MYCBP2: variants seen among roughly 807,000 people sequenced by gnomAD.
MYCBP2 encodes MYC binding protein 2.
A neutral mutation model predicts 525.3 loss-of-function variants in MYCBP2; 120 were observed. The ratio of observed to expected loss-of-function variants is 0.23; its 90% CI spans 0.20 to 0.27. MYCBP2 has a LOEUF of 0.27. Ranked by LOEUF, MYCBP2 falls within the 10% of genes least tolerant of loss-of-function variation. The pLI, the probability that MYCBP2 is intolerant of heterozygous loss-of-function variation, is 1.00. For synonymous variants in MYCBP2, 1,894 were observed against 1,955.8 expected, an observed-to-expected ratio of 0.97 and a Z score of 0.83; for missense variants, 4,149 against 5,657.1, an observed-to-expected ratio of 0.73 and a Z score of 8.55.
intron 15 of MYCBP2, among the ~76,000 whole-genome samples, chr13:77,249,587 G>T (rs2070750209): frequency 6.6e-6 from 1 of 152,072 alleles, no homozygotes; most frequent in East Asian, 1.9e-4. Flanking sequence ...TGAGTTAGGG[G>T]TGTTGCTATG....
At chr13:77,313,771 C>T (rs2080564567) in intron 1 of MYCBP2, among the ~76,000 whole-genome samples, 1 of 151,982 alleles carries the variant, frequency 6.6e-6, no homozygotes, top group Admixed American at 6.6e-5. Context: ...TCCTCAGTTA[C>T]ACCCTCACAG....
chr13:77,161,290 C>A (rs73543867), intron 44 of MYCBP2, among the ~76,000 whole-genome samples: 3,329 of 152,272 alleles, frequency 0.022, 122 homozygotes, highest in African/African-American at 0.076. Context: ...GTTGACGTAA[C>A]AGATCCAAAG....
intron 3 of MYCBP2, among the ~76,000 whole-genome samples, chr13:77,285,816 AAAAGGGAAAAGG>A (rs1461592080): frequency 2.0e-5 from 3 of 151,590 alleles, no homozygotes; most frequent in African/African-American, 4.9e-5. Context: ...AAGGCAAAGG[AAAAGGGAAAAGG>A]AAAGGGAAAA....
At chr13:77,136,015 T>C (rs773562061) in intron 52 of MYCBP2, among the ~76,000 whole-genome samples, 19 of 152,254 alleles carry the variant, frequency 1.2e-4, no homozygotes, top group Non-Finnish European at 2.8e-4. Context: ...TTTGTATTTT[T>C]AGTAGAGACA....
intron 17 of MYCBP2, among the ~76,000 whole-genome samples, chr13:77,234,121 T>C (rs2067537207): frequency 6.6e-6 from 1 of 151,982 alleles, no homozygotes; most frequent in Non-Finnish European, 1.5e-5. Flanking sequence ...AAATCATTTT[T>C]CCCATTAACA....
chr13:77,065,612 A>G (rs1376891515), intron 72 of MYCBP2, among the ~76,000 whole-genome samples: 2 of 152,240 alleles, frequency 1.3e-5, no homozygotes, highest in African/African-American at 4.8e-5. Flanking sequence ...ATAAAGAAGA[A>G]TAAAGGGTTT....
chr13:77,274,226 T>C (rs970943433), intron 4 of MYCBP2, among the ~76,000 whole-genome samples: 5 of 152,120 alleles, frequency 3.3e-5, no homozygotes, highest in East Asian at 1.9e-4. Flanking sequence ...AATTGAGATA[T>C]GTGGTATCAA....
At chr13:77,300,372 C>A (rs1567198758) in intron 1 of MYCBP2, among the ~76,000 whole-genome samples, 1 of 152,170 alleles carries the variant, frequency 6.6e-6, no homozygotes, top group African/African-American at 2.4e-5. Context: ...AAGCAGCCAT[C>A]GGCAGCACAT....
intron 80 of MYCBP2, among the ~76,000 whole-genome samples, chr13:77,054,559 G>T (rs775403070): frequency 6.6e-6 from 1 of 151,586 alleles, no homozygotes; most frequent in Non-Finnish European, 1.5e-5. Flanking sequence ...TCTGGAGACA[G>T]AATTGATAGG....
At chr13:77,298,604 C>T (rs2078443397) in intron 1 of MYCBP2, among the ~76,000 whole-genome samples, 1 of 152,094 alleles carries the variant, frequency 6.6e-6, no homozygotes, top group Non-Finnish European at 1.5e-5. Flanking sequence ...CAGCTACATG[C>T]CTTACTCAGA....
chr13:77,076,402 A>G (rs922531469), intron 68 of MYCBP2, among the ~76,000 whole-genome samples: 2 of 152,212 alleles, frequency 1.3e-5, no homozygotes, highest in Non-Finnish European at 2.9e-5. Context: ...TGAAGAGGAT[A>G]AATCGTAAAA....
At chr13:77,070,053 C>T (rs2040909506) in intron 69 of MYCBP2, among the ~76,000 whole-genome samples, 1 of 152,040 alleles carries the variant, frequency 6.6e-6, no homozygotes, top group Non-Finnish European at 1.5e-5. Flanking sequence ...AGCCAACACA[C>T]AGAAGAATGG....
chr13:77,273,537 T>C lies in MYCBP2; in HGVS notation c.880A>G (p.Arg294Gly). ...ATAGCAGAGATGGCCTGAAGTGTCC[T>C]TCCTGTTTCTCCCCAAGAAGCCACC... is the stretch of plus-strand genomic sequence containing the variant. The part of the protein sequence containing the change: ...SLVASWGETG[R>G]TLQAISAILT... The change falls in exon 5 of 83, where the codon AGG becomes GGG. Residue 294 changes from arginine (R) to glycine (G), a missense_variant. Physicochemically the swap from Arg to Gly is moderately radical, Grantham distance 125. Transcript: ENST00000544440. 1 of 1,613,608 alleles carries C rather than the reference T, an allele frequency of 6.2e-7. No individual in the cohort carries two copies. Among genetic ancestry groups the C allele is most frequent in the Non-Finnish European group, 8.5e-7 (1 of 1,179,772 alleles).
rs141479417 is a variant in MYCBP2 at position 77,291,463 on chromosome 13, T to C, written c.379-3087A>G. Among the ~76,000 whole-genome samples, 4 of 152,318 alleles carry C rather than the reference T, an allele frequency of 2.6e-5. No individual in the cohort carries two copies. The East Asian group carries it at 7.7e-4, about 29-fold the overall frequency. ...ACAACCACTTTGGAAAAGAGTTTTC[T>C]AGTTTCTTAAAAAGCTAAATGTACA... On this transcript the variant is annotated intron_variant, in intron 2 of 82. Coordinates refer to ENST00000544440, the MANE Select transcript of MYCBP2 (RefSeq NM_015057.5).
At chr13:77,084,477 T>C (rs772832834) in intron 62 of MYCBP2, among the ~76,000 whole-genome samples, 23 of 152,186 alleles carry the variant, frequency 1.5e-4, no homozygotes, top group Non-Finnish European at 2.5e-4. Flanking sequence ...AAGAATGTAG[T>C]TTTGTTCTTA....
In MYCBP2 at chr13:77,174,921, A is replaced by ATATATATATATATAATATATATTATATAT. The variant is rs1555383708; in HGVS notation, c.5473-433_5473-432insATATATAATATATATTATATATATATATA. On this transcript the variant is annotated intron_variant, in intron 36 of 82. Transcript: ENST00000544440. ...ATACTATATATATATAATATATATT[A>ATATATATATATATAATATATATTATATAT]TATATATATAATATATATATATTTT... 1.2e-3 allele frequency among the ~76,000 whole-genome samples: 104 copies of ATATATATATATATAATATATATTATATAT among 85,738 alleles called. 5 individuals are homozygous for ATATATATATATATAATATATATTATATAT. The highest frequency in any genetic ancestry group is 7.9e-3 in the African/African-American group (102 of 12,844). The allele number at this position is 85,738 out of a possible 152,430, so 56.2% of individuals were successfully genotyped here.
chr13:77,303,007 G>A (rs772547772), intron 1 of MYCBP2, among the ~76,000 whole-genome samples: 2 of 152,170 alleles, frequency 1.3e-5, no homozygotes. Flanking sequence ...AACAAGTAGA[G>A]ACCAAAACAG....
At chr13:77,226,295 G>A (rs2066257668) in intron 18 of MYCBP2, among the ~76,000 whole-genome samples, 1 of 151,808 alleles carries the variant, frequency 6.6e-6, no homozygotes, top group Non-Finnish European at 1.5e-5. Context: ...CTTTACCCTT[G>A]GCTTTTGCAA....
chr13:77,095,952 A>G (rs1045361867), intron 57 of MYCBP2, among the ~76,000 whole-genome samples: 9 of 152,120 alleles, frequency 5.9e-5, no homozygotes, highest in Non-Finnish European at 8.8e-5. Context: ...AAGAGAGAGT[A>G]GATATGGAAT....
Sources: allele counts gnomAD v4.1 joint callset (sites outside exome capture counted in the v4.1 genomes callset), GRCh38; gene constraint gnomAD v4.1.1; transcripts MANE v1.5; gene names NCBI Gene and HGNC (gene_info 2026-07-23, HGNC 2026-07-21).